The following CADPS variants were observed in gnomAD, a reference collection of about 807,000 sequenced individuals.
CADPS encodes calcium-dependent secretion activator 1.
CADPS carries 57 observed loss-of-function variants against 167.3 expected under a neutral mutation model. The observed-to-expected ratio is 0.34, with a 90% CI of 0.28 to 0.42. The LOEUF is 0.42. Ranked by LOEUF, CADPS falls within the 20% of genes least tolerant of loss-of-function variation. The pLI is 1.00. For synonymous variants in CADPS, 676 were observed against 635.3 expected, an observed-to-expected ratio of 1.06 and a Z score of -0.96; for missense variants, 1,414 against 1,738.1, an observed-to-expected ratio of 0.81 and a Z score of 3.32.
At chr3:62,400,067 A>T (rs1398796313) in intron 29 of CADPS, among the ~76,000 whole-genome samples, 1 of 152,238 alleles carries the variant, frequency 6.6e-6, no homozygotes, top group Non-Finnish European at 1.5e-5. Flanking sequence ...CCTCTGTCTC[A>T]TTCATAAGAC....
chr3:62,780,919 G>A (rs1470866518), intron 1 of CADPS, among the ~76,000 whole-genome samples: 1 of 152,204 alleles, frequency 6.6e-6, no homozygotes, highest in East Asian at 1.9e-4. Flanking sequence ...ATATATAAGG[G>A]ACTTATCATA....
chr3:62,538,084 C>T (rs1481422238), intron 11 of CADPS, among the ~76,000 whole-genome samples: 10 of 152,052 alleles, frequency 6.6e-5, no homozygotes, highest in African/African-American at 2.2e-4. Flanking sequence ...GAAAGGATAT[C>T]ACATGTGCAG....
chr3:62,502,766 C>T (rs1038642496), intron 17 of CADPS, among the ~76,000 whole-genome samples: 5 of 152,028 alleles, frequency 3.3e-5, no homozygotes, highest in East Asian at 3.9e-4. Flanking sequence ...CTAGGCATGC[C>T]TTTGAGCCTC....
At chr3:62,768,544 T>C (rs1267233711) in intron 1 of CADPS, among the ~76,000 whole-genome samples, 1 of 152,170 alleles carries the variant, frequency 6.6e-6, no homozygotes, top group African/African-American at 2.4e-5. Context: ...CTCATTTAGT[T>C]AAGAAATATT....
At chr3:62,710,248 A>C (rs1246299865) in intron 3 of CADPS, among the ~76,000 whole-genome samples, 2 of 151,966 alleles carry the variant, frequency 1.3e-5, no homozygotes, top group Non-Finnish European at 2.9e-5. Context: ...GGTGGTTCTC[A>C]ATCCTGGATG....
intron 3 of CADPS, among the ~76,000 whole-genome samples, chr3:62,735,767 A>C (rs531729280): frequency 1.3e-5 from 2 of 152,058 alleles, no homozygotes; most frequent in East Asian, 3.9e-4. Flanking sequence ...TATCCCTACC[A>C]CCTTTTCTTT....
chr3:62,733,226 G>C (rs1381582335), intron 3 of CADPS, among the ~76,000 whole-genome samples: 1 of 152,134 alleles, frequency 6.6e-6, no homozygotes, highest in Non-Finnish European at 1.5e-5. Flanking sequence ...TGCTGGTGTC[G>C]GAGAGAAAAT....
rs138055445 is a variant in CADPS at position 62,576,788 on chromosome 3, T to TAAAAAA, written c.1578-5856_1578-5851dup. Among the ~76,000 whole-genome samples the TAAAAAA allele has an allele frequency of 1.4e-3, 42 of 29,850 alleles. 10 individuals are homozygous for TAAAAAA. Among genetic ancestry groups the TAAAAAA allele is most frequent in the African/African-American group, 4.6e-3 (38 of 8,188 alleles). 19.6% of individuals were successfully genotyped at this position (29,850 alleles called of 152,430 possible). ...CTGGGTGACAGAGCAAGACTCTGTC[T>TAAAAAA]AAAAAAAAAAAAAAAAAAAAAAAAA... On this transcript the variant is annotated intron_variant, in intron 8 of 29. Coordinates refer to ENST00000383710, the MANE Select transcript of CADPS (RefSeq NM_003716.4).
chr3:62,775,786 C>T (rs116890465), intron 1 of CADPS, among the ~76,000 whole-genome samples: 3,471 of 152,224 alleles, frequency 0.023, 63 homozygotes, highest in South Asian at 0.061. Context: ...GTGCTTTATG[C>T]ATAGTTACCA....
intron 28 of CADPS, among the ~76,000 whole-genome samples, chr3:62,409,156 C>T (rs1029507552): frequency 1.3e-5 from 2 of 152,238 alleles, no homozygotes; most frequent in Non-Finnish European, 2.9e-5. Flanking sequence ...AGATAGGTTA[C>T]ATAAGCAGCC....
At chr3:62,488,027 A>C (rs2063095726) in intron 21 of CADPS, among the ~76,000 whole-genome samples, 1 of 152,202 alleles carries the variant, frequency 6.6e-6, no homozygotes, top group Non-Finnish European at 1.5e-5. Context: ...AGAAGAACAG[A>C]ACTACTTGAG....
At chr3:62,761,505 TTATGTCTTCTGCCACA>T (rs1360338317) in intron 2 of CADPS, among the ~76,000 whole-genome samples, 1 of 152,096 alleles carries the variant, frequency 6.6e-6, no homozygotes, top group Non-Finnish European at 1.5e-5. Flanking sequence ...AAATGAATTT[TTATGTCTTCTGCCACA>T]TATGACACTC....
At chr3:62,659,280 T>C (rs907677986) in intron 4 of CADPS, among the ~76,000 whole-genome samples, 3 of 152,170 alleles carry the variant, frequency 2.0e-5, no homozygotes, top group Non-Finnish European at 4.4e-5. Flanking sequence ...GCAGAGGTGA[T>C]TTGTCTTAAT....
chr3:62,441,567 G>C, intron 27 of CADPS, among the ~76,000 whole-genome samples: 1 of 152,210 alleles, frequency 6.6e-6, no homozygotes, highest in East Asian at 1.9e-4. Flanking sequence ...CCCTCCAGTA[G>C]TGTGGATAGT....
At chr3:62,460,825 G>A (rs557834506) in intron 26 of CADPS, among the ~76,000 whole-genome samples, 35 of 152,286 alleles carry the variant, frequency 2.3e-4, no homozygotes, top group African/African-American at 8.4e-4. Flanking sequence ...AAAGAAGACT[G>A]GACATACGGT....
intron 17 of CADPS, among the ~76,000 whole-genome samples, chr3:62,511,311 A>T (rs1000972755): frequency 4.6e-5 from 7 of 152,126 alleles, no homozygotes; most frequent in African/African-American, 1.7e-4. Flanking sequence ...TCTGTTTTGC[A>T]GCTACGTTGA....
At chr3:62,569,392 G>T (rs116269232) in intron 9 of CADPS, among the ~76,000 whole-genome samples, 2 of 152,182 alleles carry the variant, frequency 1.3e-5, no homozygotes, top group Non-Finnish European at 2.9e-5. Context: ...GTGAGCCACC[G>T]TGCTGGGCAG....
At chr3:62,507,537 G>A (rs906764694) in intron 17 of CADPS, among the ~76,000 whole-genome samples, 3 of 151,892 alleles carry the variant, frequency 2.0e-5, no homozygotes, top group Non-Finnish European at 4.4e-5. Context: ...TATGGAGATT[G>A]CAATGTTGTA....
At chr3:62,825,472 C>A (rs1254139133) in intron 1 of CADPS, among the ~76,000 whole-genome samples, 1 of 152,052 alleles carries the variant, frequency 6.6e-6, no homozygotes, top group Non-Finnish European at 1.5e-5. Flanking sequence ...TACAGCAAGC[C>A]CCCCAGGTAA....
Sources: gnomAD v4.1 joint callset for allele counts (sites outside exome capture counted in the v4.1 genomes callset) on GRCh38, gnomAD v4.1.1 for gene constraint, MANE v1.5 for transcripts, NCBI Gene and HGNC (gene_info 2026-07-23, HGNC 2026-07-21) for gene names.